The following CRIM1 variants were observed in gnomAD, a reference collection of about 807,000 sequenced individuals.
CRIM1 encodes cysteine-rich motor neuron 1 protein.
In CRIM1, 32 loss-of-function variants were observed where a neutral mutation model predicts 116.4. That is an observed-to-expected ratio of 0.27 (90% CI 0.21 to 0.37). The LOEUF is 0.37. Among genes scored for constraint, CRIM1 ranks in the 10% least tolerant of loss-of-function variants. CRIM1 has a pLI of 1.00. For missense variants in CRIM1, 1,331 were observed against 1,354.8 expected (o/e 0.98, Z 0.28); for synonymous variants, 590 against 509.2 (o/e 1.16, Z -2.13).
Position 36,499,238 on chromosome 2 carries a change from T to G in CRIM1, c.1392T>G (p.Val464=), listed in dbSNP as rs781432598. Residue 464 remains valine, a synonymous_variant, in exon 8 of 17, where the codon GTT becomes GTG. Coordinates refer to ENST00000280527, the MANE Select transcript of CRIM1 (RefSeq NM_016441.3). ...PVCEEPTIIT[V]DPPACGELSN... ...TATTAGAACCAACCATCATCACAGT[T>G]GATCCACCTGCATGTGGGGAGTTAT... The G allele has an allele frequency of 3.1e-6, 5 of 1,611,640 alleles. No individual in the cohort carries two copies.
chr2:36,380,597 TAAAG>T (rs1257217673), intron 1 of CRIM1, among the ~76,000 whole-genome samples: 1 of 152,126 alleles, frequency 6.6e-6, no homozygotes, highest in Admixed American at 6.5e-5. Flanking sequence ...AAGAAGGACA[TAAAG>T]AAAGTTTGGG....
Position 36,477,041 on chromosome 2 carries a change from C to T in CRIM1, c.1144C>T (p.Pro382Ser). Residue 382 changes from proline to serine, a missense_variant, in exon 6 of 17, where the codon CCC (proline) becomes TCC (serine). Pro to Ser is a moderately conservative substitution (Grantham distance 74). Around this residue, in one of 3 missense-constraint regions of CRIM1, gnomAD observed 690 missense variants for 676.0 expected, o/e 1.02. Coordinates refer to ENST00000280527, the MANE Select transcript of CRIM1 (RefSeq NM_016441.3). ...GEINCERYYVPEGECCPVCED... is the reference protein window; with the variant it reads ...GEINCERYYVSEGECCPVCED... ...GATAAACTGCGAGAGGTACTACGTG[C>T]CCGAAGGAGAGTGCTGCCCAGTGTG... is the stretch of plus-strand genomic sequence containing the variant. 6.2e-7 allele frequency: 1 copy of T among 1,613,416 alleles called. No individual in the cohort carries two copies. The highest frequency in any genetic ancestry group is 8.5e-7 in the Non-Finnish European group (1 of 1,179,736).
intron 1 of CRIM1, among the ~76,000 whole-genome samples, chr2:36,389,004 GTCT>G (rs1017745891): frequency 3.9e-5 from 6 of 152,270 alleles, no homozygotes; most frequent in African/African-American, 1.4e-4. Flanking sequence ...TTAAAAGTTA[GTCT>G]TCAACAAATA....
At chr2:36,491,075 T>C (rs1680193524) in intron 7 of CRIM1, among the ~76,000 whole-genome samples, 2 of 152,216 alleles carry the variant, frequency 1.3e-5, no homozygotes, top group African/African-American at 4.8e-5. Context: ...CTAGCTGTTT[T>C]CAGGATTATT....
intron 12 of CRIM1, among the ~76,000 whole-genome samples, chr2:36,519,170 A>C (rs1422631538): frequency 6.6e-6 from 1 of 152,178 alleles, no homozygotes; most frequent in Non-Finnish European, 1.5e-5. Context: ...CTCCAGGACC[A>C]CTAGCTGAAA....
In CRIM1 at chr2:36,537,404, C is replaced by T. The variant is rs535907512; in HGVS notation, c.2481C>T (p.Ala827=). 4 of 1,614,214 alleles carry T rather than the reference C, an allele frequency of 2.5e-6. No homozygotes were observed. In the South Asian group the frequency reaches 3.3e-5, roughly 13 times the overall value. The change falls in exon 14 of 17, where the codon GCC becomes GCT. Residue 827 remains alanine, a synonymous_variant. Coordinates refer to ENST00000280527, the MANE Select transcript of CRIM1 (RefSeq NM_016441.3). The stretch of plus-strand genomic sequence containing the variant: ...GCCACTTCAGTGGGAAGGCCTATGC[C>T]GACGAGGAGCGGTGGGACCTTGACA... The part of the protein sequence containing the change: ...VVCHFSGKAY[A]DEERWDLDSC...
At chr2:36,372,269 C>G (rs985808739) in intron 1 of CRIM1, among the ~76,000 whole-genome samples, 1 of 152,150 alleles carries the variant, frequency 6.6e-6, no homozygotes, top group African/African-American at 2.4e-5. Flanking sequence ...AAGCAAAATT[C>G]CGTTTGGATT....
chr2:36,479,893 C>T (rs1181928938), intron 7 of CRIM1, among the ~76,000 whole-genome samples, 199 bp downstream of exon 7: 1 of 152,150 alleles, frequency 6.6e-6, no homozygotes, highest in African/African-American at 2.4e-5. Context: ...ATAGTGTGGT[C>T]ATTATTTTGC....
At position 36,549,897 on chromosome 2, in the gene CRIM1, A is replaced by C. The variant is rs1667628712; in HGVS notation, c.*1196A>C. 6.6e-6 allele frequency: 1 copy of C among 152,254 alleles called. No homozygotes were observed. Among genetic ancestry groups the C allele is most frequent in the Non-Finnish European group, 1.5e-5 (1 of 67,966 alleles). The allele number at this position is 152,254 out of a possible 1,614,324, so 9.4% of individuals were successfully genotyped here. On this transcript the variant is annotated 3_prime_UTR_variant, in exon 17 of 17. Transcript: ENST00000280527. Reference sequence around the variant, plus strand: ...CAATTTATGTTTTCCTGTTGAATGTATTTTTATGAGATTTTAACCAGAACA... The same window carrying C: ...CAATTTATGTTTTCCTGTTGAATGTCTTTTTATGAGATTTTAACCAGAACA...
At chr2:36,427,961 C>G (rs1223053628) in intron 2 of CRIM1, among the ~76,000 whole-genome samples, 2 of 152,236 alleles carry the variant, frequency 1.3e-5, no homozygotes, top group Admixed American at 6.5e-5. Context: ...GGTTGCTCTT[C>G]TGACCTTTCT....
chr2:36,470,261 G>A (rs921168747), intron 5 of CRIM1, among the ~76,000 whole-genome samples: 19 of 152,172 alleles, frequency 1.2e-4, no homozygotes, highest in Non-Finnish European at 2.9e-5. Context: ...TTTTGGTGGA[G>A]GGATGGGACA....
chr2:36,362,910 A>T (rs1669322814), intron 1 of CRIM1, among the ~76,000 whole-genome samples: 3 of 152,184 alleles, frequency 2.0e-5, no homozygotes, highest in Non-Finnish European at 2.9e-5. Context: ...ATGTTCAAGA[A>T]CTTGGGGCCG....
intron 7 of CRIM1, among the ~76,000 whole-genome samples, chr2:36,497,976 C>T (rs1429333755): frequency 6.6e-6 from 1 of 152,172 alleles, no homozygotes; most frequent in Non-Finnish European, 1.5e-5. Flanking sequence ...CTATTCCCAG[C>T]CTGCTACTGG....
intron 1 of CRIM1, among the ~76,000 whole-genome samples, chr2:36,385,631 C>T (rs546801140): frequency 4.6e-5 from 7 of 152,256 alleles, no homozygotes; most frequent in African/African-American, 1.7e-4. Flanking sequence ...AGACGGACCT[C>T]ACCAGAGTGA....
At chr2:36,502,198 C>T (rs867565413) in intron 8 of CRIM1, among the ~76,000 whole-genome samples, 17 of 152,144 alleles carry the variant, frequency 1.1e-4, no homozygotes, top group South Asian at 1.0e-3. Flanking sequence ...TCACTTCACA[C>T]GGAATCTTTC....
rs1397279881 is a variant in CRIM1 at position 36,513,616 on chromosome 2, A to G, written c.1841A>G (p.His614Arg). ...LSGTCLTVDG[H>R]HHKNEESWHD... ...GGCACTTGTCTCACCGTGGATGGTCATCATCATAAAAATGAGGAGAGCTGG... is the reference window on the plus strand; with the variant it reads ...GGCACTTGTCTCACCGTGGATGGTCGTCATCATAAAAATGAGGAGAGCTGG... Residue 614 changes from histidine (H) to arginine (R), a missense_variant, in exon 11 of 17, where the codon CAT becomes CGT. By Grantham distance (29) the His-to-Arg change is conservative (BLOSUM62 0). Coordinates refer to ENST00000280527, the MANE Select transcript of CRIM1 (RefSeq NM_016441.3). 1 of 1,614,128 alleles carries G rather than the reference A, an allele frequency of 6.2e-7. No homozygotes were observed. Among genetic ancestry groups the G allele is most frequent in the Non-Finnish European group, 8.5e-7 (1 of 1,180,014 alleles).
At chr2:36,460,462 G>A (rs896162501) in intron 4 of CRIM1, among the ~76,000 whole-genome samples, 17 of 152,192 alleles carry the variant, frequency 1.1e-4, no homozygotes, top group Admixed American at 2.0e-4. Flanking sequence ...AGGTACTAGT[G>A]ATGGTTATAC....
At chr2:36,522,397 A>G (rs1665455450) in intron 13 of CRIM1, 84 bp downstream of exon 13, 14 of 1,131,754 alleles carry the variant, frequency 1.2e-5, no homozygotes, top group Admixed American at 1.8e-5. Context: ...ATCAATTAAT[A>G]TTTTTGAAAC....
chr2:36,451,317 A>T (rs1208972822), intron 4 of CRIM1, among the ~76,000 whole-genome samples: 1 of 152,228 alleles, frequency 6.6e-6, no homozygotes, highest in African/African-American at 2.4e-5. Context: ...ACACACAGTC[A>T]TCTGCCCTCA....
Sources: allele counts gnomAD v4.1 joint callset (sites outside exome capture counted in the v4.1 genomes callset), GRCh38; gene constraint gnomAD v4.1.1; regional missense constraint gnomAD v4.1.1; transcripts MANE v1.5; gene names NCBI Gene and HGNC (gene_info 2026-07-23, HGNC 2026-07-21).